Variants in NLRP14 observed in about 807,000 individuals in gnomAD.
NLRP14 encodes NACHT, LRR and PYD domains-containing protein 14.
NLRP14 carries 105 observed loss-of-function variants against 94.7 expected under a neutral mutation model. The observed-to-expected ratio is 1.11, with a 90% CI of 0.95 to 1.30. The LOEUF (loss-of-function observed/expected upper bound fraction) is 1.30, where lower values mean the gene tolerates loss of function less well. NLRP14 is among the 50% of genes most tolerant of loss of function. NLRP14 has a pLI of 0.00. For synonymous variants in NLRP14, 508 were observed against 459.9 expected (o/e 1.10, Z -1.34); for missense variants, 1,362 against 1,254.1 (o/e 1.09, Z -1.30).
At chr11:7,057,920 G>T in intron 7 of NLRP14, 73 bp downstream of exon 7, 1 of 1,287,236 alleles carries the variant, frequency 7.8e-7, no homozygotes, top group Non-Finnish European at 1.1e-6. Flanking sequence ...GATCTGATAG[G>T]GAAACTTCTT....
chr11:7,071,024 C>G lies in NLRP14; in HGVS notation c.3147-149C>G. On this transcript the variant is annotated intron_variant, in intron 11 of 11. Transcript: ENST00000299481. ...CTCCCTCACTGTATCTCTCTCAGTT[C>G]GCTTCCCCACTCCTCACCCATGTTA... 4 of 777,180 alleles carry G rather than the reference C, an allele frequency of 5.1e-6. No individual in the cohort carries two copies. The South Asian group carries it at 6.4e-5, about 12-fold the overall frequency. The allele number at this position is 777,180 out of a possible 1,614,324, so 48.1% of individuals were successfully genotyped here. A position where few individuals can be genotyped will look rare whatever the true frequency, so the allele number is the denominator to read the frequency against.
intron 10 of NLRP14, among the ~76,000 whole-genome samples, chr11:7,069,071 CT>C (rs1402201894): frequency 6.6e-6 from 1 of 152,074 alleles, no homozygotes; most frequent in Non-Finnish European, 1.5e-5. Flanking sequence ...CATTAAAATT[CT>C]AGATTTGAGT....
intron 9 of NLRP14, among the ~76,000 whole-genome samples, chr11:7,061,935 G>A (rs2075840974): frequency 6.6e-6 from 1 of 152,058 alleles, no homozygotes; most frequent in Admixed American, 6.6e-5. Flanking sequence ...TTTATATGTA[G>A]CTTTCTTCTT....
In NLRP14 at chr11:7,026,341, C is replaced by T. The variant is rs542175776; in HGVS notation, c.-22+5571C>T. Among the ~76,000 whole-genome samples, 11 of 152,252 alleles carry T rather than the reference C, an allele frequency of 7.2e-5. No homozygotes were observed. In the South Asian group the frequency reaches 2.3e-3, roughly 32 times the overall value. On this transcript the variant is annotated intron_variant, in intron 1 of 11. Coordinates refer to ENST00000299481, the MANE Select transcript of NLRP14 (RefSeq NM_176822.4). ...ACAAGTAACCCCATCAAAAAGTGGGCAAAGGATATGAACAGACACTCCTCA... is the reference window on the plus strand; with the variant it reads ...ACAAGTAACCCCATCAAAAAGTGGGTAAAGGATATGAACAGACACTCCTCA...
intron 3 of NLRP14, among the ~76,000 whole-genome samples, chr11:7,041,811 T>C (rs1005941034): frequency 5.3e-5 from 8 of 152,328 alleles, no homozygotes; most frequent in African/African-American, 1.9e-4. Flanking sequence ...AATAGAGATC[T>C]AAAGGAGGGA....
At chr11:7,032,007 A>G (rs893700206) in intron 1 of NLRP14, among the ~76,000 whole-genome samples, 1 of 152,218 alleles carries the variant, frequency 6.6e-6, no homozygotes, top group Non-Finnish European at 1.5e-5. Flanking sequence ...TCTCTATGCA[A>G]GTTAGCAATT....
intron 1 of NLRP14, among the ~76,000 whole-genome samples, chr11:7,030,845 G>A (rs1254530412): frequency 1.3e-5 from 2 of 152,170 alleles, no homozygotes; most frequent in Non-Finnish European, 2.9e-5. Context: ...TTCCCACATC[G>A]GGAAAGCAAG....
rs757547772 is a variant in NLRP14 at position 7,038,755 on chromosome 11, G to A, written c.169G>A (p.Asp57Asn). ...TGAAGTGAAGAAGGCCAGGCGGGAG[G>A]ACCTGGCCAATTTGATGAAGAAATA... ...WNEVKKARREDLANLMKKYYP... is the reference protein window; with the variant it reads ...WNEVKKARRENLANLMKKYYP... Residue 57 changes from aspartate (D) to asparagine (N), a missense_variant, in exon 2 of 12, where the codon GAC becomes AAC. Physicochemically the swap from Asp to Asn is conservative, Grantham distance 23. Transcript: ENST00000299481. 6 of 1,613,576 alleles carry A rather than the reference G, an allele frequency of 3.7e-6. No individual in the cohort carries two copies. In the Admixed American group the frequency reaches 8.3e-5, roughly 22 times the overall value.
At chr11:7,030,057 T>G (rs1489893259) in intron 1 of NLRP14, among the ~76,000 whole-genome samples, 1 of 152,208 alleles carries the variant, frequency 6.6e-6, no homozygotes, top group Non-Finnish European at 1.5e-5. Flanking sequence ...ATCACCCAAA[T>G]CTGGCTGCTA....
rs199476260 is a variant in NLRP14 at position 7,043,305 on chromosome 11, CTG to C, written c.1282_1283del (p.Cys428ProfsTer28). ...ACCCAACCAAGCCCAGCTGAGAAGA[CTG>C]TGCCAAGTCGCTGCCAAAGGAATAT... ...SLPNQAQLRR[L>X]CQVAAKGIWT... On this transcript the variant is annotated frameshift_variant, in exon 4 of 12. Transcript: ENST00000299481. LOFTEE classifies it high-confidence loss of function. 2.6e-5 allele frequency: 42 copies of C among 1,614,184 alleles called. No individual in the cohort carries two copies. In the East Asian group the frequency reaches 8.2e-4, roughly 32 times the overall value.
chr11:7,057,275 A>G (rs1852529688), intron 6 of NLRP14, among the ~76,000 whole-genome samples: 1 of 152,068 alleles, frequency 6.6e-6, no homozygotes, highest in African/African-American at 2.4e-5. Context: ...CACGGGAGAC[A>G]CAGCTTTTGC....
chr11:7,065,886 A>G (rs898144603), intron 10 of NLRP14, among the ~76,000 whole-genome samples: 9 of 151,846 alleles, frequency 5.9e-5, no homozygotes, highest in Admixed American at 3.9e-4. Flanking sequence ...AGGCCCTGGT[A>G]TGTGATGTTC....
At chr11:7,033,355 G>C (rs11041146) in intron 1 of NLRP14, among the ~76,000 whole-genome samples, 16,321 of 152,166 alleles carry the variant, frequency 0.11, 895 homozygotes, top group Admixed American at 0.17. Flanking sequence ...TAGAATTACA[G>C]AAATTTCTTG....
intron 4 of NLRP14, among the ~76,000 whole-genome samples, chr11:7,045,983 C>G (rs1214841496): frequency 6.6e-6 from 1 of 152,068 alleles, no homozygotes; most frequent in Non-Finnish European, 1.5e-5. Flanking sequence ...GGACTCAGAG[C>G]CGCTCCATTG....
At position 7,033,557 on chromosome 11, in the gene NLRP14, T is replaced by C. The variant is rs375039447; in HGVS notation, c.-21-5009T>C. Among the ~76,000 whole-genome samples, 34 of 152,356 alleles carry C rather than the reference T, an allele frequency of 2.2e-4. No homozygotes were observed. In the East Asian group the frequency reaches 2.5e-3, roughly 11 times the overall value. On this transcript the variant is annotated intron_variant, in intron 1 of 11. Transcript: ENST00000299481. ...TTACATTTATTATTACAGTACAGTA[T>C]TGTCCTGGGTGGACATCTTCAATTT...
intron 3 of NLRP14, among the ~76,000 whole-genome samples, chr11:7,040,034 A>C (rs971188672): frequency 2.0e-5 from 3 of 152,220 alleles, no homozygotes; most frequent in African/African-American, 7.2e-5. Flanking sequence ...CTGACGCACA[A>C]AGGTATATTA....
intron 1 of NLRP14, among the ~76,000 whole-genome samples, chr11:7,027,148 C>A (rs7104375): frequency 0.57 from 86,414 of 150,424 alleles, 25,738 homozygotes; most frequent in East Asian, 0.73. Flanking sequence ...CCCTCCCTTT[C>A]AATGTCAATT....
chr11:7,070,463 C>G lies in NLRP14; in HGVS notation c.3146+7C>G. ...GTAAACTACAAGTTCTAGGGTAAGT[C>G]TCCATTGGCTTCTCAGGGGGAGCAT... is the stretch of plus-strand genomic sequence containing the variant. On this transcript the variant is annotated splice_region_variant and intron_variant, in intron 11 of 11. Transcript: ENST00000299481. 1 of 1,603,986 alleles carries G rather than the reference C, an allele frequency of 6.2e-7. No homozygotes were observed. The highest frequency in any genetic ancestry group is 8.5e-7 in the Non-Finnish European group (1 of 1,171,610).
At chr11:7,060,122 T>G (rs944253040) in intron 9 of NLRP14, 58 bp downstream of exon 9, 9 of 1,438,708 alleles carry the variant, frequency 6.3e-6, no homozygotes, top group South Asian at 3.4e-5. Flanking sequence ...TCTGGGGAGA[T>G]ACTGAAAGAA....
Sources: gnomAD v4.1 joint callset for allele counts (sites outside exome capture counted in the v4.1 genomes callset) on GRCh38, gnomAD v4.1.1 for gene constraint, MANE v1.5 for transcripts, NCBI Gene and HGNC (gene_info 2026-07-23, HGNC 2026-07-21) for gene names.